The following STAT5B variants were observed in gnomAD, a reference collection of about 807,000 sequenced individuals.
The protein encoded by STAT5B is transcription factor STAT5B.
Under a neutral mutation model 107.8 loss-of-function variants are expected in STAT5B, and 21 were observed. That is an observed-to-expected ratio of 0.19 (90% CI 0.14 to 0.28). STAT5B has a LOEUF of 0.28. STAT5B is among the 10% of genes least tolerant of loss of function. The pLI is 1.00. For missense variants in STAT5B, 565 were observed against 1,008.2 expected (o/e 0.56, Z 5.95); for synonymous variants, 325 against 401.7 (o/e 0.81, Z 2.28).
In STAT5B at chr17:42,223,457, C is replaced by G. The variant is rs2080246996; in HGVS notation, c.475G>C (p.Glu159Gln). ...EELRLVTQDT[E>Q]NELKKLQQTQ... is the part of the protein sequence containing the mutation. The stretch of plus-strand genomic sequence containing the variant: ...TGCTGCAGCTTTTTTAACTCATTCT[C>G]TGTGTCCTGCGTGACCAGTCGCAGC... Residue 159 changes from glutamate (E) to glutamine (Q), a missense_variant, in exon 5 of 19, where the codon GAG (glutamate) becomes CAG (glutamine). Glu to Gln is a conservative substitution (Grantham distance 29). This residue lies in a region of STAT5B where 54 missense variants were observed against 49.7 expected (regional missense o/e 1.09). Coordinates refer to ENST00000293328, the MANE Select transcript of STAT5B (RefSeq NM_012448.4). 1 of 1,614,204 alleles carries G rather than the reference C, an allele frequency of 6.2e-7. No individual in the cohort carries two copies. Among genetic ancestry groups the G allele is most frequent in the Non-Finnish European group, 8.5e-7 (1 of 1,180,046 alleles).
At chr17:42,263,164 C>T (rs1315857658) in intron 1 of STAT5B, among the ~76,000 whole-genome samples, 1 of 149,250 alleles carries the variant, frequency 6.7e-6, no homozygotes, top group Non-Finnish European at 1.5e-5. Context: ...GTCTCCCTAA[C>T]AATTTATTAT....
At chr17:42,243,529 G>A (rs1224442641) in intron 1 of STAT5B, among the ~76,000 whole-genome samples, 3 of 152,184 alleles carry the variant, frequency 2.0e-5, no homozygotes, top group African/African-American at 7.2e-5. Context: ...TGGCCATGTC[G>A]TCTGCATCTT....
At chr17:42,270,463 T>C (rs1375738454) in intron 1 of STAT5B, 1 of 152,182 alleles carries the variant, frequency 6.6e-6, no homozygotes, top group African/African-American at 2.4e-5. Context: ...ATAGCTCTTC[T>C]TCTATGATGT....
chr17:42,254,874 C>T (rs1448536624), intron 1 of STAT5B, among the ~76,000 whole-genome samples: 4 of 152,142 alleles, frequency 2.6e-5, no homozygotes, highest in Non-Finnish European at 4.4e-5. Flanking sequence ...AGGCGGATCA[C>T]GAGGTCAGGA....
the STAT5B span, among the ~76,000 whole-genome samples, chr17:42,283,751 C>T: frequency 3.4e-3 from 521 of 152,308 alleles, 3 homozygotes; most frequent in African/African-American, 0.012. Context: ...TATAAACACA[C>T]ACCCTCCCTA....
At chr17:42,262,596 T>C (rs1023746945) in intron 1 of STAT5B, among the ~76,000 whole-genome samples, 1 of 151,558 alleles carries the variant, frequency 6.6e-6, no homozygotes, top group Non-Finnish European at 1.5e-5. Context: ...AAGAAATCCA[T>C]AGCCTAGCAG....
At chr17:42,212,254 C>T (rs1310132778) in intron 12 of STAT5B, 64 bp from the exon 13 acceptor site, 4 of 1,612,596 alleles carry the variant, frequency 2.5e-6, no homozygotes, top group Non-Finnish European at 2.5e-6. Context: ...CCTCAAGCCA[C>T]AAAAGAAAAA....
At chr17:42,254,127 G>A (rs549686906) in intron 1 of STAT5B, among the ~76,000 whole-genome samples, 18 of 152,208 alleles carry the variant, frequency 1.2e-4, no homozygotes, top group Middle Eastern at 3.4e-3. Flanking sequence ...CAACATCCCA[G>A]CACTTTGGGA....
At chr17:42,229,764 G>A (rs1310255129) in intron 2 of STAT5B, among the ~76,000 whole-genome samples, 4 of 151,710 alleles carry the variant, frequency 2.6e-5, no homozygotes, top group Non-Finnish European at 4.4e-5. Flanking sequence ...CCAGCTACTC[G>A]GGAAGCTGAG....
chr17:42,231,339 TTTTG>T (rs910930071), intron 2 of STAT5B, among the ~76,000 whole-genome samples: 25 of 152,028 alleles, frequency 1.6e-4, no homozygotes, highest in Admixed American at 5.2e-4. Flanking sequence ...AGGGCTTTAA[TTTTG>T]TTTGTTTGTT....
intron 1 of STAT5B, among the ~76,000 whole-genome samples, chr17:42,255,895 CTGGTTAACA>C (rs2080539805): frequency 6.6e-6 from 1 of 152,182 alleles, no homozygotes; most frequent in African/African-American, 2.4e-5. Context: ...CCAGACCACC[CTGGTTAACA>C]TGGTGAAACC....
chr17:42,283,601 G>T, the STAT5B span, among the ~76,000 whole-genome samples: 1 of 152,230 alleles, frequency 6.6e-6, no homozygotes, highest in Non-Finnish European at 1.5e-5. Flanking sequence ...GGATGGCCTT[G>T]TGTTCTCTTG....
upstream of STAT5B, among the ~76,000 whole-genome samples, chr17:42,277,914 T>G (rs573268807): frequency 1.3e-5 from 2 of 151,724 alleles, no homozygotes; most frequent in Non-Finnish European, 2.9e-5. Context: ...CACCACCACA[T>G]CCGGCTAATT....
At position 42,200,372 on chromosome 17, in the gene STAT5B, C is replaced by A. The variant is rs549947506; in HGVS notation, c.*1366G>T. The A allele has an allele frequency of 6.6e-6, 1 of 152,560 alleles. No homozygotes were observed. Among genetic ancestry groups the A allele is most frequent in the Non-Finnish European group, 1.5e-5 (1 of 68,042 alleles). The allele number at this position is 152,560 out of a possible 1,614,324, so 9.5% of individuals were successfully genotyped here. A position where few individuals can be genotyped will look rare whatever the true frequency, so the allele number is the denominator to read the frequency against. ...CTATTTTAATACACCTGCTCACCCCCCTCTTCCTCCACTACCTGCTGTAGC... is the reference window on the plus strand; with the variant it reads ...CTATTTTAATACACCTGCTCACCCCACTCTTCCTCCACTACCTGCTGTAGC... On this transcript the variant is annotated 3_prime_UTR_variant, in exon 19 of 19. Coordinates refer to ENST00000293328, the MANE Select transcript of STAT5B (RefSeq NM_012448.4).
intron 1 of STAT5B, among the ~76,000 whole-genome samples, chr17:42,242,116 G>C (rs1158222005): frequency 6.6e-6 from 1 of 151,960 alleles, no homozygotes; most frequent in Non-Finnish European, 1.5e-5. Context: ...TATTACAATA[G>C]GAAGAACAGA....
chr17:42,261,376 AC>A (rs1452000078), intron 1 of STAT5B, among the ~76,000 whole-genome samples: 2 of 152,202 alleles, frequency 1.3e-5, no homozygotes, highest in Non-Finnish European at 2.9e-5. Context: ...ACACTTATTT[AC>A]TTCATGCATT....
chr17:42,218,872 C>T lies in STAT5B; in HGVS notation c.840G>A (p.Glu280=), dbSNP rs868520216. The T allele has an allele frequency of 1.9e-6, 3 of 1,613,794 alleles. No individual in the cohort carries two copies. The Middle Eastern group carries it at 5.0e-4, about 272-fold the overall frequency. Residue 280 remains glutamate, a synonymous_variant, in exon 8 of 19, where the codon GAG becomes GAA. Coordinates refer to ENST00000293328, the MANE Select transcript of STAT5B (RefSeq NM_012448.4). ...GSLDVLQSWC[E]KLAEIIWQNR... Reference sequence around the variant, plus strand: ...TCTGCCAGATGATCTCGGCCAACTTCTCACACCTGCACGAGAGCCCCAAGG... The same window carrying T: ...TCTGCCAGATGATCTCGGCCAACTTTTCACACCTGCACGAGAGCCCCAAGG...
chr17:42,238,892 G>C (rs2080379022), intron 1 of STAT5B, among the ~76,000 whole-genome samples: 1 of 151,878 alleles, frequency 6.6e-6, no homozygotes, highest in Admixed American at 6.6e-5. Context: ...TGAAGGGTGA[G>C]GGTGGTACAG....
rs1567652627 is a variant in STAT5B at position 42,201,656 on chromosome 17, A to G, written c.*82T>C. 7.3e-6 allele frequency: 7 copies of G among 961,490 alleles called. No individual in the cohort carries two copies. The highest frequency in any genetic ancestry group is 1.2e-5 in the Non-Finnish European group (7 of 585,570). The allele number at this position is 961,490 out of a possible 1,614,324, so 59.6% of individuals were successfully genotyped here. A position where few individuals can be genotyped will look rare whatever the true frequency, so the allele number is the denominator to read the frequency against. ...CATTATGAGTATTGTTTCAAAAGAG[A>G]AGCGATTCATGGAATTAAAACATCC... On this transcript the variant is annotated 3_prime_UTR_variant, in exon 19 of 19. Coordinates refer to ENST00000293328, the MANE Select transcript of STAT5B (RefSeq NM_012448.4).
Sources: allele counts gnomAD v4.1 joint callset (sites outside exome capture counted in the v4.1 genomes callset), GRCh38; gene constraint gnomAD v4.1.1; regional missense constraint gnomAD v4.1.1; transcripts MANE v1.5; gene names NCBI Gene and HGNC (gene_info 2026-07-23, HGNC 2026-07-21).